HSD17B4: variants seen among roughly 807,000 people sequenced by gnomAD.
The protein encoded by HSD17B4 is peroxisomal multifunctional enzyme type 2.
Under a neutral mutation model 101.0 loss-of-function variants are expected in HSD17B4, and 70 were observed. The observed-to-expected ratio is 0.69, with a 90% CI of 0.57 to 0.85. HSD17B4 has a LOEUF of 0.85. Ranked by LOEUF, HSD17B4 falls within the 40% of genes least tolerant of loss-of-function variation. The pLI is 0.00. For missense variants in HSD17B4, 984 were observed against 892.4 expected, an observed-to-expected ratio of 1.10 and a Z score of -1.31; for synonymous variants, 347 against 297.1, an observed-to-expected ratio of 1.17 and a Z score of -1.73.
At chr5:119,527,325 G>A (rs1269165474) in intron 20 of HSD17B4, 106 bp downstream of exon 20, 5 of 660,988 alleles carry the variant, frequency 7.6e-6, no homozygotes, top group Non-Finnish European at 1.4e-5. Context: ...TTTAAGTAAT[G>A]GTAAATTTTA....
At chr5:119,479,087 A>C (rs1333561448) in intron 8 of HSD17B4, 66 bp downstream of exon 8, 31 of 1,182,702 alleles carry the variant, frequency 2.6e-5, no homozygotes, top group Non-Finnish European at 3.9e-5. Flanking sequence ...GAGCTTTACA[A>C]AAGTATTTAA....
chr5:119,487,523 A>G (rs1211014210), intron 8 of HSD17B4: 2 of 152,070 alleles, frequency 1.3e-5, no homozygotes, highest in African/African-American at 4.8e-5. Context: ...AGTTTAATAG[A>G]TGCTGGCTAA....
At chr5:119,539,784 T>C (rs1754829068) in intron 23 of HSD17B4, among the ~76,000 whole-genome samples, 1 of 151,762 alleles carries the variant, frequency 6.6e-6, no homozygotes, top group African/African-American at 2.4e-5. Context: ...TACACACAAC[T>C]GGAGGGAATA....
chr5:119,521,544 T>G (rs1331513300), intron 17 of HSD17B4, among the ~76,000 whole-genome samples: 1 of 152,116 alleles, frequency 6.6e-6, no homozygotes, highest in Non-Finnish European at 1.5e-5. Flanking sequence ...CTACTTTTCT[T>G]CTGTTCTTTT....
chr5:119,458,285 G>T (rs185020150), intron 2 of HSD17B4, among the ~76,000 whole-genome samples: 3 of 151,612 alleles, frequency 2.0e-5, no homozygotes, highest in Non-Finnish European at 2.9e-5. Flanking sequence ...TGTCTTACCT[G>T]TTAGCCTTTT....
intron 8 of HSD17B4, among the ~76,000 whole-genome samples, chr5:119,486,172 G>C (rs1293621735): frequency 6.6e-6 from 1 of 152,082 alleles, no homozygotes; most frequent in African/African-American, 2.4e-5. Context: ...TGAAAGAGAG[G>C]GTCACCAAGA....
chr5:119,481,788 T>C (rs907949216), intron 8 of HSD17B4, among the ~76,000 whole-genome samples: 1 of 152,172 alleles, frequency 6.6e-6, no homozygotes. Flanking sequence ...TTGCATAGCA[T>C]GATAAAGTGG....
chr5:119,542,002 A>G lies in HSD17B4; in HGVS notation c.*8A>G, dbSNP rs28943595. 2.6e-6 allele frequency: 4 copies of G among 1,567,592 alleles called. No homozygotes were observed. Among genetic ancestry groups the G allele is most frequent in the African/African-American group, 1.4e-5 (1 of 73,490 alleles). On this transcript the variant is annotated 3_prime_UTR_variant, in exon 24 of 24. Transcript: ENST00000510025. Reference sequence around the variant, plus strand: ...GACTACGCCAAGCTCTGAAGGGCACACTACACTATTAATAAAAATGGAATC... The same window carrying G: ...GACTACGCCAAGCTCTGAAGGGCACGCTACACTATTAATAAAAATGGAATC...
rs1449888136 is a variant in HSD17B4 at position 119,475,885 on chromosome 5, G to T, written c.349+15G>T. The T allele has an allele frequency of 1.3e-6, 2 of 1,557,662 alleles. No homozygotes were observed. The highest frequency in any genetic ancestry group is 1.8e-6 in the Non-Finnish European group (2 of 1,128,968). On this transcript the variant is annotated intron_variant, in intron 6 of 23. Transcript: ENST00000510025. ...TGAAGACTGGGGTAAGTTGTTTTTAGTATTTCTCTGGGGAACATACTTATC... is the reference window on the plus strand; with the variant it reads ...TGAAGACTGGGGTAAGTTGTTTTTATTATTTCTCTGGGGAACATACTTATC...
chr5:119,483,153 A>T (rs1184487689), intron 8 of HSD17B4, among the ~76,000 whole-genome samples: 1 of 152,148 alleles, frequency 6.6e-6, no homozygotes, highest in Non-Finnish European at 1.5e-5. Context: ...GGTAAAACTT[A>T]TAAAAGTGTT....
chr5:119,487,933 C>T (rs1453579378), intron 8 of HSD17B4, among the ~76,000 whole-genome samples: 3 of 151,978 alleles, frequency 2.0e-5, no homozygotes, highest in South Asian at 4.1e-4. Flanking sequence ...GACAGGGTGC[C>T]ATTGGAATGC....
chr5:119,538,595 G>A (rs993428070), intron 23 of HSD17B4, among the ~76,000 whole-genome samples: 20 of 152,160 alleles, frequency 1.3e-4, no homozygotes, highest in African/African-American at 4.8e-4. Context: ...ACCATGTCGT[G>A]TATGATGTTT....
chr5:119,461,280 T>G (rs1480191927), intron 2 of HSD17B4, among the ~76,000 whole-genome samples: 2 of 152,112 alleles, frequency 1.3e-5, no homozygotes, highest in Non-Finnish European at 2.9e-5. Context: ...GTATCCCAAA[T>G]AAAATGTGAA....
At chr5:119,487,940 A>T (rs145976347) in intron 8 of HSD17B4, among the ~76,000 whole-genome samples, 726 of 152,250 alleles carry the variant, frequency 4.8e-3, no homozygotes, top group Non-Finnish European at 8.1e-3. Context: ...TGCCATTGGA[A>T]TGCTTGTGTA....
chr5:119,505,985 G>C (rs185040294), intron 14 of HSD17B4, among the ~76,000 whole-genome samples: 63 of 152,090 alleles, frequency 4.1e-4, no homozygotes, highest in African/African-American at 1.4e-3. Context: ...TTTTACTGTT[G>C]AATTATTTTT....
chr5:119,509,730 C>G (rs1752001706), intron 16 of HSD17B4, among the ~76,000 whole-genome samples: 1 of 152,168 alleles, frequency 6.6e-6, no homozygotes, highest in South Asian at 2.1e-4. Context: ...GCTCGATTTG[C>G]TCATTTACCA....
At chr5:119,514,465 C>T (rs760335669) in intron 16 of HSD17B4, among the ~76,000 whole-genome samples, 74 of 152,284 alleles carry the variant, frequency 4.9e-4, no homozygotes, top group Middle Eastern at 3.4e-3. Context: ...CACTCAGATA[C>T]TTACTTTGTA....
chr5:119,498,591 T>C (rs954147144), intron 12 of HSD17B4, among the ~76,000 whole-genome samples: 2 of 152,164 alleles, frequency 1.3e-5, no homozygotes, highest in Non-Finnish European at 2.9e-5. Context: ...CTTAACATTA[T>C]GAGGGACTGG....
intron 2 of HSD17B4, among the ~76,000 whole-genome samples, chr5:119,459,876 T>C (rs1296333085): frequency 1.3e-5 from 2 of 150,836 alleles, no homozygotes; most frequent in African/African-American, 4.8e-5. Context: ...CACATCTCTT[T>C]TTTTTTTTTT....
Sources: gnomAD v4.1 joint callset for allele counts (sites outside exome capture counted in the v4.1 genomes callset) on GRCh38, gnomAD v4.1.1 for gene constraint, MANE v1.5 for transcripts, NCBI Gene and HGNC (gene_info 2026-07-23, HGNC 2026-07-21) for gene names.